The following SMC3 variants were observed in gnomAD, a reference collection of about 807,000 sequenced individuals.
SMC3 encodes structural maintenance of chromosomes 3.
A neutral mutation model predicts 171.8 loss-of-function variants in SMC3; 20 were observed. That is an observed-to-expected ratio of 0.12 (90% CI 0.08 to 0.17). SMC3 has a LOEUF of 0.17. Ranked by LOEUF, SMC3 falls within the 10% of genes least tolerant of loss-of-function variation. The probability of loss-of-function intolerance (pLI) is 1.00; values close to 1 mark genes in which losing one functional copy is unlikely to be tolerated. For missense variants in SMC3, 543 were observed against 1,420.4 expected (o/e 0.38, Z 9.93); for synonymous variants, 464 against 451.1 (o/e 1.03, Z -0.36).
chr10:110,584,033 C>T (rs1861070876), intron 12 of SMC3, 71 bp downstream of exon 12: 2 of 1,571,142 alleles, frequency 1.3e-6, no homozygotes, highest in Non-Finnish European at 1.7e-6. Flanking sequence ...CCGAGGAGCT[C>T]AATTATATAG....
rs1861403415 is a variant in SMC3, at chr10:110,602,599, T to A, written c.3231T>A (p.Ser1077Arg). 5.6e-6 allele frequency: 9 copies of A among 1,613,612 alleles called. No homozygotes were observed. Among genetic ancestry groups the A allele is most frequent in the Non-Finnish European group, 7.6e-6 (9 of 1,179,772 alleles). ...SQDEGEGSGE[S>R]ERGSGSQSSV... ...ATGAAGGAGAAGGGAGTGGTGAGAG[T>A]GAGAGGGGTTCTGGCTCACAAAGCA... The change falls in exon 26 of 29, where the codon AGT becomes AGA. Residue 1077 changes from serine to arginine, a missense_variant. Ser to Arg is a moderately radical substitution (Grantham distance 110, BLOSUM62 -1). Transcript: ENST00000361804.
intron 13 of SMC3, among the ~76,000 whole-genome samples, chr10:110,585,298 T>TTC (rs1485681250): frequency 3.3e-5 from 5 of 149,590 alleles, no homozygotes; most frequent in Admixed American, 3.3e-4. Flanking sequence ...CAATTTTTTT[T>TTC]TTTTTTTTTT....
In SMC3 at chr10:110,567,805, G is replaced by C. The variant is rs749416295; in HGVS notation, c.-12G>C. 4.3e-6 allele frequency: 7 copies of C among 1,613,508 alleles called. No individual in the cohort carries two copies. In the South Asian group the frequency reaches 6.6e-5, roughly 15 times the overall value. ...CGGGGCAGGTCTCCTTCCAGGCCAGGGGCCCGGAATCATGTACATAAAGCA... is the reference window on the plus strand; with the variant it reads ...CGGGGCAGGTCTCCTTCCAGGCCAGCGGCCCGGAATCATGTACATAAAGCA... On this transcript the variant is annotated 5_prime_UTR_variant, in exon 1 of 29. Transcript: ENST00000361804.
Position 110,580,981 on chromosome 10 carries a change from C to T in SMC3, c.507C>T (p.Asp169=), listed in dbSNP as rs370909218. 1.2e-5 allele frequency: 20 copies of T among 1,603,412 alleles called. No individual in the cohort carries two copies. Among genetic ancestry groups the T allele is most frequent in the South Asian group, 3.3e-5 (3 of 90,862 alleles). The change falls in exon 8 of 29, where the codon GAC becomes GAT. Residue 169 remains aspartate (D), a synonymous_variant. Transcript: ENST00000361804. The stretch of plus-strand genomic sequence containing the variant: ...AAGTAGCTGGTACTAGAGTGTATGA[C>T]GAACGAAAGGAAGAAAGCATCTCCT... ...LREVAGTRVY[D]ERKEESISLM...
chr10:110,593,378 C>A (rs1158465776), intron 18 of SMC3, among the ~76,000 whole-genome samples, 155 bp downstream of exon 18: 2 of 152,046 alleles, frequency 1.3e-5, no homozygotes, highest in African/African-American at 2.4e-5. Context: ...TCAAGACCAG[C>A]CTGGCTAACG....
intron 13 of SMC3, among the ~76,000 whole-genome samples, chr10:110,586,396 T>G (rs1861116180): frequency 6.6e-6 from 1 of 152,202 alleles, no homozygotes; most frequent in Non-Finnish European, 1.5e-5. Flanking sequence ...CAGGCAGTTC[T>G]TTATATGGTT....
intron 4 of SMC3, among the ~76,000 whole-genome samples, chr10:110,576,938 T>C (rs1258850620): frequency 6.6e-6 from 1 of 152,174 alleles, no homozygotes; most frequent in Non-Finnish European, 1.5e-5. Flanking sequence ...AGACTTTTGG[T>C]AATTATCCCA....
intron 1 of SMC3, 91 bp downstream of exon 1, chr10:110,567,922 C>T: frequency 6.9e-7 from 1 of 1,453,144 alleles, no homozygotes; most frequent in Admixed American, 1.8e-5. Context: ...CAGCCTCTCC[C>T]CTGTCTCCAC....
At chr10:110,599,305 C>A (rs1861350756) in intron 20 of SMC3, among the ~76,000 whole-genome samples, 1 of 152,184 alleles carries the variant, frequency 6.6e-6, no homozygotes, top group African/African-American at 2.4e-5. Flanking sequence ...CCATGTTGGC[C>A]AGGCTCGTCT....
intron 23 of SMC3, 137 bp downstream of exon 23, chr10:110,601,267 G>C: frequency 1.4e-6 from 1 of 691,762 alleles, no homozygotes; most frequent in Non-Finnish European, 2.5e-6. Context: ...ATAGCAAATG[G>C]AATTTAGGAA....
Position 110,568,892 on chromosome 10 carries a change from A to T in SMC3, c.16-46A>T, listed in dbSNP as rs557490235. ...AAAGAAATGCAAGAGAAAAATGTTA[A>T]TTTTTTTTGTGGGGTGGGTTCTCAA... On this transcript the variant is annotated intron_variant, in intron 1 of 28. Coordinates refer to ENST00000361804, the MANE Select transcript of SMC3 (RefSeq NM_005445.4). The T allele has an allele frequency of 5.4e-6, 6 of 1,104,294 alleles. 1 individual carries two copies. In the South Asian group the frequency reaches 6.2e-5, roughly 11 times the overall value. 68.4% of individuals were successfully genotyped at this position (1,104,294 alleles called of 1,614,324 possible). A position where few individuals can be genotyped will look rare whatever the true frequency, so the allele number is the denominator to read the frequency against.
chr10:110,593,010 C>T, intron 17 of SMC3, 63 bp from the exon 18 acceptor site: 1 of 1,304,482 alleles, frequency 7.7e-7, no homozygotes, highest in South Asian at 1.2e-5. Context: ...GATGTAATTT[C>T]ATAATTCTAA....
intron 22 of SMC3, 105 bp from the exon 23 acceptor site, chr10:110,600,917 A>G (rs1336281618): frequency 2.5e-6 from 2 of 797,120 alleles, no homozygotes; most frequent in Non-Finnish European, 4.3e-6. Flanking sequence ...TATATGATGT[A>G]TTTATATTTT....
chr10:110,578,152 C>T (rs1860981039), intron 6 of SMC3, among the ~76,000 whole-genome samples: 1 of 152,112 alleles, frequency 6.6e-6, no homozygotes, highest in Admixed American at 6.5e-5. Context: ...CGGCTCACTG[C>T]AACCTCCACC....
intron 1 of SMC3, among the ~76,000 whole-genome samples, chr10:110,568,698 A>G (rs1419389472): frequency 1.3e-5 from 2 of 151,802 alleles, no homozygotes; most frequent in Admixed American, 6.6e-5. Flanking sequence ...TAACAGGTTG[A>G]CAGCATAACT....
rs1349857900 is a variant in SMC3 at position 110,583,492 on chromosome 10, T to C, written c.913T>C (p.Leu305=). The C allele has an allele frequency of 6.2e-7, 1 of 1,614,016 alleles. No homozygotes were observed. Among genetic ancestry groups the C allele is most frequent in the Admixed American group, 1.7e-5 (1 of 60,014 alleles). ...AGAGCAGATTAAGCAGAGGACTAAG[T>C]TGGAGCTTAAAGCCAAGGATTTACA... ...RQEQIKQRTK[L]ELKAKDLQDE... is the part of the protein sequence containing the mutation. The change falls in exon 11 of 29, where the codon TTG becomes CTG. Residue 305 remains leucine (L), a synonymous_variant. Coordinates refer to ENST00000361804, the MANE Select transcript of SMC3 (RefSeq NM_005445.4).
At chr10:110,580,460 A>G (rs1009400164) in intron 7 of SMC3, among the ~76,000 whole-genome samples, 3 of 152,218 alleles carry the variant, frequency 2.0e-5, no homozygotes, top group African/African-American at 7.2e-5. Flanking sequence ...AAGGAGAGTT[A>G]TGACCGTAAC....
At chr10:110,593,987 C>CA (rs913314841) in intron 18 of SMC3, among the ~76,000 whole-genome samples, 19 of 149,580 alleles carry the variant, frequency 1.3e-4, no homozygotes, top group South Asian at 2.1e-4. Context: ...GATCCTGTCT[C>CA]AAAAAAAAAG....
intron 19 of SMC3, among the ~76,000 whole-genome samples, chr10:110,597,659 A>G (rs1395427492): frequency 2.6e-5 from 4 of 152,214 alleles, no homozygotes; most frequent in Non-Finnish European, 5.9e-5. Flanking sequence ...ATGGGGAAAT[A>G]CTGAGGAAAA....
Sources: gnomAD v4.1 joint callset for allele counts (sites outside exome capture counted in the v4.1 genomes callset) on GRCh38, gnomAD v4.1.1 for gene constraint, MANE v1.5 for transcripts, NCBI Gene and HGNC (gene_info 2026-07-23, HGNC 2026-07-21) for gene names.